SMURF2: variants seen among roughly 807,000 people sequenced by gnomAD.
SMURF2 encodes the protein SMAD specific E3 ubiquitin protein ligase 2, also known as E3 ubiquitin-protein ligase SMURF2.
In SMURF2, 48 loss-of-function variants were observed where a neutral mutation model predicts 109.6. The ratio of observed to expected loss-of-function variants is 0.44; its 90% CI spans 0.35 to 0.56. The LOEUF is 0.56. Among genes scored for constraint, SMURF2 ranks in the 20% least tolerant of loss-of-function variants. The probability of loss-of-function intolerance (pLI) is 0.01; values close to 1 mark genes in which losing one functional copy is unlikely to be tolerated. For missense variants in SMURF2, 575 were observed against 909.0 expected (o/e 0.63, Z 4.72); for synonymous variants, 288 against 317.1 (o/e 0.91, Z 0.97).
chr17:64,659,824 A>T (rs939691927), intron 1 of SMURF2, among the ~76,000 whole-genome samples: 21 of 152,334 alleles, frequency 1.4e-4, no homozygotes, highest in African/African-American at 5.0e-4. Context: ...GGCAAAACAG[A>T]AGAGACTCCA....
intron 12 of SMURF2, 102 bp downstream of exon 12, chr17:64,561,398 T>C: frequency 1.4e-6 from 1 of 735,328 alleles, no homozygotes; most frequent in Non-Finnish European, 2.3e-6. Context: ...CATTAGGGAA[T>C]AACAAAAAAT....
chr17:64,553,438 A>G (rs1969074366), intron 15 of SMURF2, among the ~76,000 whole-genome samples: 1 of 151,954 alleles, frequency 6.6e-6, no homozygotes, highest in African/African-American at 2.4e-5. Context: ...CCTGGGAGGC[A>G]GAGGTGCAGT....
chr17:64,565,070 A>G (rs541534576), intron 10 of SMURF2, among the ~76,000 whole-genome samples: 1 of 152,326 alleles, frequency 6.6e-6, no homozygotes, highest in East Asian at 1.9e-4. Context: ...ATATATTTCA[A>G]TAAGGCTGAT....
At chr17:64,631,926 C>A (rs1188927209) in intron 1 of SMURF2, among the ~76,000 whole-genome samples, 1 of 149,964 alleles carries the variant, frequency 6.7e-6, no homozygotes, top group African/African-American at 2.5e-5. Flanking sequence ...TAACCACCCA[C>A]CACCCTAGTA....
chr17:64,589,600 C>T (rs1257014096), intron 5 of SMURF2, among the ~76,000 whole-genome samples: 2 of 151,618 alleles, frequency 1.3e-5, no homozygotes, highest in African/African-American at 2.4e-5. Flanking sequence ...AGATCAGTGG[C>T]GACATTAGAT....
chr17:64,628,112 T>G (rs1476015531), intron 1 of SMURF2, among the ~76,000 whole-genome samples: 1 of 152,226 alleles, frequency 6.6e-6, no homozygotes, highest in Non-Finnish European at 1.5e-5. Flanking sequence ...CTGATGGTGA[T>G]TCCGCTGACT....
At chr17:64,548,502 C>T (rs1382594513) in intron 16 of SMURF2, among the ~76,000 whole-genome samples, 1 of 152,136 alleles carries the variant, frequency 6.6e-6, no homozygotes, top group Non-Finnish European at 1.5e-5. Flanking sequence ...ATTCTCCTGC[C>T]TTAGCCTCCC....
Position 64,630,413 on chromosome 17 carries a change from A to T in SMURF2, c.53-23773T>A, listed in dbSNP as rs915856095. ...TTCTAAAAATATAAGGTCTTACTCA[A>T]ATTAAATGCCACAAAAGAAAAAGAA... On this transcript the variant is annotated intron_variant, in intron 1 of 18. Transcript: ENST00000262435. 1.4e-4 allele frequency among the ~76,000 whole-genome samples: 21 copies of T among 152,298 alleles called. No homozygotes were observed. The East Asian group carries it at 3.9e-3, about 28-fold the overall frequency.
intron 10 of SMURF2, among the ~76,000 whole-genome samples, chr17:64,565,491 G>A (rs1555684873): frequency 6.6e-6 from 1 of 152,038 alleles, no homozygotes; most frequent in Non-Finnish European, 1.5e-5. Flanking sequence ...TTGCCCATAA[G>A]TCATCTTTTT....
chr17:64,658,992 G>T (rs1309177436), intron 1 of SMURF2, among the ~76,000 whole-genome samples: 1 of 152,170 alleles, frequency 6.6e-6, no homozygotes, highest in Admixed American at 6.5e-5. Context: ...TAAAATTTGG[G>T]ATCAAATTAT....
chr17:64,566,593 A>ATTTTTTT (rs1568176881), intron 10 of SMURF2, among the ~76,000 whole-genome samples: 2 of 6,312 alleles, frequency 3.2e-4, no homozygotes, highest in Non-Finnish European at 6.4e-4. Context: ...TTTTTTTTTG[A>ATTTTTTT]GACAGTCTCG....
At chr17:64,624,410 T>C (rs1253228032) in intron 1 of SMURF2, among the ~76,000 whole-genome samples, 4 of 149,070 alleles carry the variant, frequency 2.7e-5, no homozygotes, top group African/African-American at 1.0e-4. Context: ...CTCGGCTCAC[T>C]GCAGCCTCCG....
At chr17:64,626,623 C>T (rs1025780048) in intron 1 of SMURF2, among the ~76,000 whole-genome samples, 3 of 151,954 alleles carry the variant, frequency 2.0e-5, no homozygotes, top group Admixed American at 6.6e-5. Flanking sequence ...ATTAGCCAGG[C>T]GTGGTGGCAG....
intron 1 of SMURF2, among the ~76,000 whole-genome samples, chr17:64,644,500 G>A (rs1341557959): frequency 2.0e-5 from 3 of 151,768 alleles, no homozygotes; most frequent in East Asian, 3.9e-4. Flanking sequence ...GGAGGCTGAG[G>A]CAGGAGGAAT....
At chr17:64,659,169 G>A (rs566904871) in intron 1 of SMURF2, among the ~76,000 whole-genome samples, 8 of 152,238 alleles carry the variant, frequency 5.3e-5, no homozygotes, top group Admixed American at 2.6e-4. Flanking sequence ...GAGTGTGTGT[G>A]TGTGAGTGTG....
intron 9 of SMURF2, among the ~76,000 whole-genome samples, chr17:64,572,343 TTTC>T (rs1462643164): frequency 6.6e-6 from 1 of 152,260 alleles, no homozygotes; most frequent in Non-Finnish European, 1.5e-5. Context: ...TGTCCCTTCA[TTTC>T]TTTACTATAC....
chr17:64,621,988 A>AATAATAGTAATAATAATAAT (rs57035569), intron 1 of SMURF2, among the ~76,000 whole-genome samples: 2 of 128,254 alleles, frequency 1.6e-5, no homozygotes, highest in African/African-American at 5.6e-5. Context: ...ATAATAATAA[A>AATAATAGTAATAATAATAAT]AAAAAGCACT....
chr17:64,632,896 T>C (rs7209346), intron 1 of SMURF2, among the ~76,000 whole-genome samples: 7,651 of 152,316 alleles, frequency 0.05, 319 homozygotes, highest in Admixed American at 0.14. Context: ...CAGAGTATTA[T>C]TTTGAGGATT....
At chr17:64,604,453 G>T (rs1969942141) in intron 2 of SMURF2, among the ~76,000 whole-genome samples, 1 of 151,996 alleles carries the variant, frequency 6.6e-6, no homozygotes, top group South Asian at 2.1e-4. Context: ...GCTCTCAAAG[G>T]TTTATAAAAC....
Sources: allele counts gnomAD v4.1 joint callset (sites outside exome capture counted in the v4.1 genomes callset), GRCh38; gene constraint gnomAD v4.1.1; transcripts MANE v1.5; gene names NCBI Gene and HGNC (gene_info 2026-07-23, HGNC 2026-07-21).